Variants in XAGE3 observed in about 807,000 individuals in gnomAD.
XAGE3 encodes the protein CT12.3.
XAGE3 carries 6 observed loss-of-function variants against 9.2 expected under a neutral mutation model. The ratio of observed to expected loss-of-function variants is 0.65; its 90% CI spans 0.36 to 1.29. The LOEUF is 1.29. Among genes scored for constraint, XAGE3 ranks in the 50% most tolerant of loss-of-function variants. XAGE3 has a pLI of 0.03. For synonymous variants in XAGE3, 26 were observed against 28.2 expected, an observed-to-expected ratio of 0.92 and a Z score of 0.25; for missense variants, 70 against 82.8, an observed-to-expected ratio of 0.85 and a Z score of 0.60.
At position 52,866,550 on chromosome X, in the gene XAGE3, G is replaced by GGTGTGTGTGT; in HGVS notation, c.82-22_82-13dup. ...TCATCACCGGGCTCCTGGAACCAGG[G>GGTGTGTGTGT]GTGTGTGTGTGTGTGTGTGTGTGTG... On this transcript the variant is annotated splice_polypyrimidine_tract_variant and intron_variant, in intron 2 of 4. Coordinates refer to ENST00000346279, the MANE Select transcript of XAGE3 (RefSeq NM_133179.3). The GGTGTGTGTGT allele has an allele frequency of 8.7e-7, 1 of 1,148,479 alleles. No homozygotes were observed. Among genetic ancestry groups the GGTGTGTGTGT allele is most frequent in the Admixed American group, 2.3e-5 (1 of 43,908 alleles). The allele number at this position is 1,148,479 out of a possible 1,213,427, so 94.6% of individuals were successfully genotyped here.
intron 4 of XAGE3, among the ~76,000 whole-genome samples, chrX:52,863,415 T>C (rs1275996439): frequency 2.7e-5 from 3 of 111,310 alleles, no homozygotes; most frequent in African/African-American, 9.8e-5. Context: ...AAAAAAGAAA[T>C]GGAGGGAGAG....
chrX:52,864,537 G>T (rs1379086275), intron 4 of XAGE3, among the ~76,000 whole-genome samples: 2 of 111,822 alleles, frequency 1.8e-5, no homozygotes, highest in Admixed American at 9.5e-5. Context: ...GTTAGTTGTT[G>T]GGTATAATCA....
In XAGE3 at chrX:52,867,123, C is replaced by T. The variant is rs782106161; in HGVS notation, c.11G>A (p.Arg4Gln). 14 of 1,206,503 alleles carry T rather than the reference C, an allele frequency of 1.2e-5. No individual in the cohort carries two copies. The highest frequency in any genetic ancestry group is 1.8e-5 in the South Asian group (1 of 55,773). ...CCTAGGCCTATATGTTGATCTTCCT[C>T]GCCAAATCATATTTCACACTGCAAA... The part of the protein sequence containing the change: MIW[R>Q]GRSTYRPRPR... The change falls in exon 2 of 5, where the codon CGA becomes CAA. Residue 4 changes from arginine to glutamine, a missense_variant. Coordinates refer to ENST00000346279, the MANE Select transcript of XAGE3 (RefSeq NM_133179.3).
At chrX:52,867,017 C>T in intron 2 of XAGE3, 36 bp downstream of exon 2, 20 of 1,173,244 alleles carry the variant, frequency 1.7e-5, no homozygotes, top group Non-Finnish European at 2.3e-5. Context: ...AAATAACTTT[C>T]TGCTAATAGA....
Position 52,866,478 on chromosome X carries a change from G to C in XAGE3, c.142C>G (p.Pro48Ala), listed in dbSNP as rs782752119. The C allele has an allele frequency of 3.3e-6, 4 of 1,209,078 alleles. No homozygotes were observed. In the African/African-American group the frequency reaches 7.0e-5, roughly 21 times the overall value. The change falls in exon 3 of 5, where the codon CCT becomes GCT. Residue 48 changes from proline to alanine, a missense_variant. Physicochemically the swap from Pro to Ala is conservative, Grantham distance 27 (BLOSUM62 -1). Transcript: ENST00000346279. Reference sequence around the variant, plus strand: ...TGATCTTCTTCTCTCTCCTGACCAGGTGCAGGATCCCGACTTTCAGTTGGT... The same window carrying C: ...TGATCTTCTTCTCTCTCCTGACCAGCTGCAGGATCCCGACTTTCAGTTGGT... ...EPPTESRDPA[P>A]GQEREEDQGA...
chrX:52,865,775 A>G, intron 3 of XAGE3, among the ~76,000 whole-genome samples: 1 of 111,856 alleles, frequency 8.9e-6, no homozygotes, highest in Non-Finnish European at 1.9e-5. Context: ...TGGCGTTGCT[A>G]TCCTGCTTCA....
At position 52,866,553 on chromosome X, in the gene XAGE3, GT is replaced by G; in HGVS notation, c.82-16del. ...TCACCGGGCTCCTGGAACCAGGGGT[GT>G]GTGTGTGTGTGTGTGTGTGTGCAGA... On this transcript the variant is annotated splice_polypyrimidine_tract_variant and intron_variant, in intron 2 of 4. Coordinates refer to ENST00000346279, the MANE Select transcript of XAGE3 (RefSeq NM_133179.3). The G allele has an allele frequency of 9.3e-7, 1 of 1,074,940 alleles. No individual in the cohort carries two copies. Among genetic ancestry groups the G allele is most frequent in the South Asian group, 2.0e-5 (1 of 48,861 alleles). The allele number at this position is 1,074,940 out of a possible 1,213,427, so 88.6% of individuals were successfully genotyped here. A position where few individuals can be genotyped will look rare whatever the true frequency, so the allele number is the denominator to read the frequency against.
At chrX:52,863,355 AT>A (rs1927805444) in intron 4 of XAGE3, among the ~76,000 whole-genome samples, 1 of 112,259 alleles carries the variant, frequency 8.9e-6, no homozygotes, top group African/African-American at 3.2e-5. Flanking sequence ...TATCACTATT[AT>A]TTTTGACATC....
At chrX:52,864,066 A>G (rs1556784088) in intron 4 of XAGE3, among the ~76,000 whole-genome samples, 1 of 111,985 alleles carries the variant, frequency 8.9e-6, no homozygotes, top group East Asian at 2.8e-4. Context: ...GAGTAAAACC[A>G]TTTAGGCAAT....
At chrX:52,862,985 A>G in intron 4 of XAGE3, among the ~76,000 whole-genome samples, 1 of 112,628 alleles carries the variant, frequency 8.9e-6, no homozygotes, top group Non-Finnish European at 1.9e-5. Context: ...TATGACCAAC[A>G]CACAACAAAC....
chrX:52,865,508 C>T (rs1168994704), intron 3 of XAGE3, among the ~76,000 whole-genome samples: 1 of 111,779 alleles, frequency 8.9e-6, no homozygotes, highest in Non-Finnish European at 1.9e-5. Context: ...GCTAAAGTAA[C>T]CCATGACCCA....
intron 2 of XAGE3, among the ~76,000 whole-genome samples, 193 bp downstream of exon 2, chrX:52,866,857 GACA>G (rs1427623291): frequency 3.6e-5 from 4 of 112,417 alleles, no homozygotes; most frequent in African/African-American, 1.3e-4. Flanking sequence ...CATCCATCCA[GACA>G]ACAGAAGAAC....
intron 4 of XAGE3, among the ~76,000 whole-genome samples, chrX:52,863,172 G>A (rs1437882855): frequency 8.9e-6 from 1 of 112,180 alleles, no homozygotes; most frequent in Non-Finnish European, 1.9e-5. Context: ...TTGCACAGAA[G>A]TCCAAAAATA....
chrX:52,862,759 A>C, intron 4 of XAGE3, 119 bp from the exon 5 acceptor site: 1 of 894,061 alleles, frequency 1.1e-6, no homozygotes, highest in East Asian at 3.2e-5. Context: ...CCAGAAGCCT[A>C]AGAGTAACCT....
At chrX:52,866,945 T>C (rs1488357648) in intron 2 of XAGE3, 108 bp downstream of exon 2, 2 of 750,362 alleles carry the variant, frequency 2.7e-6, no homozygotes, top group Non-Finnish European at 4.1e-6. Flanking sequence ...CCTTTATTGG[T>C]ATATCTATAC....
chrX:52,864,947 T>C, intron 3 of XAGE3, 47 bp from the exon 4 acceptor site: 2 of 1,195,320 alleles, frequency 1.7e-6, no homozygotes, highest in Non-Finnish European at 1.1e-6. Flanking sequence ...ACAAGAAAGA[T>C]AAAGAAGGAA....
At chrX:52,867,542 C>T (rs1927923716) in intron 1 of XAGE3, among the ~76,000 whole-genome samples, 1 of 111,252 alleles carries the variant, frequency 9.0e-6, no homozygotes, top group African/African-American at 3.3e-5. Context: ...CCCATTCAAA[C>T]CTCCACAGTG....
intron 4 of XAGE3, among the ~76,000 whole-genome samples, chrX:52,863,823 C>T (rs1235940337): frequency 9.0e-6 from 1 of 111,517 alleles, no homozygotes; most frequent in African/African-American, 3.3e-5. Context: ...ACTAATGACT[C>T]ATATCTGTCT....
chrX:52,864,916 G>T lies in XAGE3; in HGVS notation c.188-16C>A. 1 of 1,207,919 alleles carries T rather than the reference G, an allele frequency of 8.3e-7. No homozygotes were observed. Among genetic ancestry groups the T allele is most frequent in the African/African-American group, 1.7e-5 (1 of 57,520 alleles). ...AGGTCAGGCACTAAAAAATACAAAG[G>T]TTGTCGATTGAAGCAGGCAAACAAG... On this transcript the variant is annotated splice_polypyrimidine_tract_variant and intron_variant, in intron 3 of 4. Transcript: ENST00000346279.
Sources: gnomAD v4.1 joint callset for allele counts (sites outside exome capture counted in the v4.1 genomes callset) on GRCh38, gnomAD v4.1.1 for gene constraint, MANE v1.5 for transcripts, NCBI Gene and HGNC (gene_info 2026-07-23, HGNC 2026-07-21) for gene names.